The following TENM4 variants were observed in gnomAD, a reference collection of about 807,000 sequenced individuals.
TENM4 encodes the protein teneurin transmembrane protein 4, also known as teneurin-4.
TENM4 carries 82 observed loss-of-function variants against 243.3 expected under a neutral mutation model. That is an observed-to-expected ratio of 0.34 (90% confidence interval 0.28 to 0.40). The LOEUF (loss-of-function observed/expected upper bound fraction) is 0.40. Ranked by LOEUF, TENM4 falls within the 10% of genes least tolerant of loss-of-function variation. The pLI, the probability that TENM4 is intolerant of heterozygous loss-of-function variation, is 1.00. For synonymous variants in TENM4, 1,412 were observed against 1,456.3 expected (o/e 0.97, Z 0.69); for missense variants, 3,138 against 3,673.3 (o/e 0.85, Z 3.77).
At chr11:78,845,781 A>G (rs535998292) in intron 12 of TENM4, among the ~76,000 whole-genome samples, 1 of 152,328 alleles carries the variant, frequency 6.6e-6, no homozygotes, top group Admixed American at 6.5e-5. Flanking sequence ...ACAGAAAAAA[A>G]AAAGAGCTAA....
intron 1 of TENM4, among the ~76,000 whole-genome samples, chr11:79,349,339 C>T (rs1458947935): frequency 3.3e-5 from 5 of 152,206 alleles, no homozygotes; most frequent in African/African-American, 7.2e-5. Flanking sequence ...ATTTCACCGA[C>T]GTTTCCTTGG....
At chr11:79,061,973 T>TTG (rs2136975134) in intron 6 of TENM4, among the ~76,000 whole-genome samples, 1 of 151,478 alleles carries the variant, frequency 6.6e-6, no homozygotes, top group East Asian at 1.9e-4. Flanking sequence ...CTATTTTTTT[T>TTG]TTTTTTTTGA....
rs186214169 is a variant in TENM4 at position 79,374,881 on chromosome 11, C to T, written c.-321+65628G>A. On this transcript the variant is annotated intron_variant, in intron 1 of 33. Coordinates refer to ENST00000278550, the MANE Select transcript of TENM4 (RefSeq NM_001098816.3). ...GCAAGCCGGGGGTAATTAGTAAACACACACGCACTTCATGGGAGTTCTGCT... is the reference window on the plus strand; with the variant it reads ...GCAAGCCGGGGGTAATTAGTAAACATACACGCACTTCATGGGAGTTCTGCT... 3.3e-5 allele frequency among the ~76,000 whole-genome samples: 5 copies of T among 152,306 alleles called. No individual in the cohort carries two copies. The East Asian group carries it at 9.6e-4, about 29-fold the overall frequency.
At chr11:79,387,631 TC>T (rs1192711308) in intron 1 of TENM4, among the ~76,000 whole-genome samples, 2 of 140,066 alleles carry the variant, frequency 1.4e-5, no homozygotes, top group East Asian at 4.0e-4. Flanking sequence ...TCCCTTCCCT[TC>T]CCTTCCCTAC....
chr11:78,769,485 T>C (rs1185295880), intron 18 of TENM4, among the ~76,000 whole-genome samples: 1 of 152,228 alleles, frequency 6.6e-6, no homozygotes, highest in Non-Finnish European at 1.5e-5. Context: ...CTTTGGGTCT[T>C]TCTCCCTCAT....
chr11:79,396,883 A>C (rs1459240558), intron 1 of TENM4, among the ~76,000 whole-genome samples: 1 of 152,192 alleles, frequency 6.6e-6, no homozygotes, highest in African/African-American at 2.4e-5. Context: ...ATCAAATGAA[A>C]ATACTGTCTG....
intron 1 of TENM4, among the ~76,000 whole-genome samples, chr11:79,341,549 C>G (rs142710764): frequency 2.6e-4 from 39 of 152,326 alleles, no homozygotes; most frequent in African/African-American, 9.1e-4. Flanking sequence ...AGAGCTAGAA[C>G]TTGAACTCAG....
intron 26 of TENM4, among the ~76,000 whole-genome samples, chr11:78,708,925 G>C (rs1002451461): frequency 6.8e-6 from 1 of 147,098 alleles, no homozygotes; most frequent in Non-Finnish European, 1.5e-5. Context: ...ATAATAATTA[G>C]TTCCCCTTTT....
intron 1 of TENM4, among the ~76,000 whole-genome samples, chr11:79,372,511 T>C (rs923330430): frequency 3.3e-5 from 5 of 152,166 alleles, no homozygotes; most frequent in African/African-American, 1.2e-4. Flanking sequence ...GCTGCTATCC[T>C]TACTAATGTG....
chr11:78,936,435 T>C (rs766089570), intron 6 of TENM4, among the ~76,000 whole-genome samples: 2 of 152,252 alleles, frequency 1.3e-5, no homozygotes, highest in Non-Finnish European at 2.9e-5. Context: ...CCTTAACTAA[T>C]ATCTTTATTA....
In TENM4 at chr11:78,672,257, G is replaced by T. The variant is rs977013281; in HGVS notation, c.5569C>A (p.Arg1857Ser). The T allele has an allele frequency of 6.2e-7, 1 of 1,614,028 alleles. No individual in the cohort carries two copies. Among genetic ancestry groups the T allele is most frequent in the Non-Finnish European group, 8.5e-7 (1 of 1,179,890 alleles). ...TRTEKIYDDHRKFTLRILYDQ... is the reference protein window; with the variant it reads ...TRTEKIYDDHSKFTLRILYDQ... ...TACAGAATCCGAAGGGTGAACTTGCGGTGGTCATCATAGATCTTCTCTGTG... is the reference window on the plus strand; with the variant it reads ...TACAGAATCCGAAGGGTGAACTTGCTGTGGTCATCATAGATCTTCTCTGTG... The change falls in exon 31 of 34, where the codon CGC becomes AGC. Residue 1857 changes from arginine (R) to serine (S), a missense_variant. Transcript: ENST00000278550.
chr11:78,669,917 T>G lies in TENM4; in HGVS notation c.6428A>C (p.Lys2143Thr). The G allele has an allele frequency of 1.9e-6, 3 of 1,613,896 alleles. No homozygotes were observed. The highest frequency in any genetic ancestry group is 1.7e-6 in the Non-Finnish European group (2 of 1,179,878). ...IITTAVMTHT[K>T]HFDAYGRMKE... ...CATCCTGCCATATGCATCAAAATGC[T>G]TGGTGTGGGTCATGACAGCTGTGGT... Residue 2143 changes from lysine to threonine, a missense_variant, in exon 32 of 34, where the codon AAG becomes ACG. Physicochemically the swap from Lys to Thr is moderately conservative, Grantham distance 78. This residue lies in a region of TENM4 where 2,467 missense variants were observed against 3,059.1 expected (regional missense o/e 0.81). Transcript: ENST00000278550. This position sits in a 1 kb window ranked among gnomAD's most constrained non-coding sequence, Gnocchi z 6.4.
intron 2 of TENM4, among the ~76,000 whole-genome samples, chr11:79,257,008 A>C (rs1012108041): frequency 6.6e-6 from 1 of 152,142 alleles, no homozygotes; most frequent in South Asian, 2.1e-4. Context: ...CTGCAATTTA[A>C]AGGATAAGCA....
chr11:79,439,719 C>T (rs901396327), intron 1 of TENM4, among the ~76,000 whole-genome samples: 3 of 151,934 alleles, frequency 2.0e-5, no homozygotes, highest in Non-Finnish European at 4.4e-5. Context: ...CCAGTCTGCT[C>T]CTCCAATGTA....
chr11:78,891,146 G>A, intron 8 of TENM4, 92 bp downstream of exon 8: 1 of 1,217,116 alleles, frequency 8.2e-7, no homozygotes, highest in Non-Finnish European at 1.2e-6. Context: ...ACCTCCCCCA[G>A]AAGATCCCAG....
intron 2 of TENM4, among the ~76,000 whole-genome samples, chr11:79,250,134 C>G (rs547350145): frequency 1.3e-5 from 2 of 152,220 alleles, no homozygotes; most frequent in Admixed American, 1.3e-4. Context: ...TACAGGTGAG[C>G]ACCACCATGC....
rs1246027658 is a variant in TENM4 at position 79,193,552 on chromosome 11, C to T, written c.-163+22256G>A. ...AGTCATGGTCTCTTTTTGTCCTTCA[C>T]CTGCTGAGTGACGAGTTGGGCTGGA... On this transcript the variant is annotated intron_variant, in intron 3 of 33. Coordinates refer to ENST00000278550, the MANE Select transcript of TENM4 (RefSeq NM_001098816.3). 2.0e-5 allele frequency among the ~76,000 whole-genome samples: 3 copies of T among 152,262 alleles called. No homozygotes were observed. The East Asian group carries it at 5.8e-4, about 29-fold the overall frequency.
At chr11:79,155,791 C>A (rs1235021948) in intron 3 of TENM4, among the ~76,000 whole-genome samples, 1 of 149,534 alleles carries the variant, frequency 6.7e-6, no homozygotes, top group African/African-American at 2.5e-5. Flanking sequence ...CATTCCCACT[C>A]TAAGAGTATC....
At chr11:78,930,623 C>T (rs1420714690) in intron 6 of TENM4, among the ~76,000 whole-genome samples, 3 of 152,292 alleles carry the variant, frequency 2.0e-5, no homozygotes, top group South Asian at 2.1e-4. Context: ...TGAAATTCAC[C>T]CACCCATGTG....
Sources: allele counts gnomAD v4.1 joint callset (sites outside exome capture counted in the v4.1 genomes callset), GRCh38; gene constraint gnomAD v4.1.1; regional missense constraint gnomAD v4.1.1; non-coding constraint Gnocchi (gnomAD v3.1); transcripts MANE v1.5; gene names NCBI Gene and HGNC (gene_info 2026-07-23, HGNC 2026-07-21).